RSRP1: variants seen among roughly 807,000 people sequenced by gnomAD.
The protein encoded by RSRP1 is arginine and serine rich protein 1.
RSRP1 carries 37 observed loss-of-function variants against 33.0 expected under a neutral mutation model. The observed-to-expected ratio is 1.12, with a 90% CI of 0.86 to 1.48. The LOEUF is 1.48. RSRP1 is among the 40% of genes most tolerant of loss of function. The probability of loss-of-function intolerance (pLI) is 0.00; values close to 1 mark genes in which losing one functional copy is unlikely to be tolerated. For synonymous variants in RSRP1, 167 were observed against 158.7 expected, an observed-to-expected ratio of 1.05 and a Z score of -0.40; for missense variants, 402 against 385.3, an observed-to-expected ratio of 1.04 and a Z score of -0.36.
rs1232958185 is a variant in RSRP1, at chr1:25,281,857, C to G, written c.-66-34828G>C. Among the ~76,000 whole-genome samples the G allele has an allele frequency of 2.3e-5, 3 of 132,708 alleles. 1 individual carries two copies. Among genetic ancestry groups the G allele is most frequent in the African/African-American group, 7.7e-5 (3 of 38,854 alleles). The allele number at this position is 132,708 out of a possible 152,430, so 87.1% of individuals were successfully genotyped here. ...TGATTTGGAAATGTCAGTGTCCTCC[C>G]TTGTCCTCTCTGGCAGACCCTGGGT... On this transcript the variant is annotated intron_variant, in intron 1 of 1. Coordinates refer to the RSRP1 transcript ENST00000561867.
At chr1:25,264,124 A>C (rs1640247170) in intron 1 of RSRP1, among the ~76,000 whole-genome samples, 1 of 151,816 alleles carries the variant, frequency 6.6e-6, no homozygotes, top group Non-Finnish European at 1.5e-5. Flanking sequence ...GAGTGTCTGC[A>C]GCTTTTCCAG....
chr1:25,254,838 C>A (rs185139291), intron 1 of RSRP1, among the ~76,000 whole-genome samples: 2 of 152,278 alleles, frequency 1.3e-5, no homozygotes, highest in Admixed American at 6.5e-5. Context: ...CAATATTATT[C>A]TTGATAAGTC....
rs601177 is a variant in RSRP1, at chr1:25,297,052, T to C, written c.-67+40926A>G. 6.9e-5 allele frequency among the ~76,000 whole-genome samples: 9 copies of C among 131,070 alleles called. No individual in the cohort carries two copies. In the East Asian group the frequency reaches 1.6e-3, roughly 23 times the overall value. The allele number at this position is 131,070 out of a possible 152,430, so 86.0% of individuals were successfully genotyped here. ...TTTCACCAATTTTCTCAATAATATC[T>C]TTTCTAGAAAAAAATATATATTTTT... On this transcript the variant is annotated intron_variant, in intron 1 of 1. Coordinates refer to the RSRP1 transcript ENST00000561867.
intron 1 of RSRP1, among the ~76,000 whole-genome samples, chr1:25,254,332 G>T (rs1639882512): frequency 2.6e-5 from 4 of 152,168 alleles, no homozygotes; most frequent in Admixed American, 2.6e-4. Context: ...TCTGTTCCCT[G>T]CCATGAATAC....
chr1:25,299,508 A>AC lies in RSRP1; in HGVS notation c.-67+38469dup, dbSNP rs1045576956. On this transcript the variant is annotated intron_variant, in intron 1 of 1. Coordinates refer to the RSRP1 transcript ENST00000561867. ...GCACCCAGGGTGGACTACTCCCTCCACCCTGCCCTTGTTACACCCTGGCTG... is the reference window on the plus strand; with the variant it reads ...GCACCCAGGGTGGACTACTCCCTCCACCCCTGCCCTTGTTACACCCTGGCTG... Among the ~76,000 whole-genome samples the AC allele has an allele frequency of 1.5e-5, 2 of 131,378 alleles. 1 individual carries two copies. The highest frequency in any genetic ancestry group is 5.2e-5 in the African/African-American group (2 of 38,140). 86.2% of individuals were successfully genotyped at this position (131,378 alleles called of 152,430 possible). A position where few individuals can be genotyped will look rare whatever the true frequency, so the allele number is the denominator to read the frequency against.
At chr1:25,262,003 T>G (rs916735297) in intron 1 of RSRP1, among the ~76,000 whole-genome samples, 1 of 152,134 alleles carries the variant, frequency 6.6e-6, no homozygotes, top group Non-Finnish European at 1.5e-5. Context: ...TGAGCCACTG[T>G]GCCTGGCCAA....
In RSRP1 at chr1:25,242,531, A is replaced by C. The variant is rs1446375382; in HGVS notation, c.*58T>G. On this transcript the variant is annotated 3_prime_UTR_variant, in exon 5 of 5. Transcript: ENST00000243189. ...TCAAAGGGATGGGATAATGCTAGAA[A>C]CACTAACTTGCAATAAAGTGCAGTT... The C allele has an allele frequency of 1.9e-6, 2 of 1,073,494 alleles. No homozygotes were observed. The highest frequency in any genetic ancestry group is 3.2e-5 in the African/African-American group (2 of 63,266). 66.5% of individuals were successfully genotyped at this position (1,073,494 alleles called of 1,614,324 possible).
chr1:25,264,550 C>T lies in RSRP1; in HGVS notation c.-66-17521G>A, dbSNP rs192927951. ...TAGGCTGCACACAGCATGAGGACCC[C>T]GGGCCTGGCCAACAAAACCATTTTT... On this transcript the variant is annotated intron_variant, in intron 1 of 1. Transcript: ENST00000561867. 3.4e-3 allele frequency among the ~76,000 whole-genome samples: 510 copies of T among 150,934 alleles called. 6 individuals carry two copies. In the Middle Eastern group the frequency reaches 0.045, roughly 13 times the overall value.
Position 25,302,696 on chromosome 1 carries a change from C to T in RSRP1, c.-67+35282G>A, listed in dbSNP as rs181973482. Among the ~76,000 whole-genome samples, 3 of 130,014 alleles carry T rather than the reference C, an allele frequency of 2.3e-5. 1 individual carries two copies. The highest frequency in any genetic ancestry group is 5.4e-5 in the Non-Finnish European group (3 of 55,122). The allele number at this position is 130,014 out of a possible 152,430, so 85.3% of individuals were successfully genotyped here. ...CCAGTCACACAGGGTGGCACAGGCA[C>T]CAAGTAGCCAATAATAATAATAAAA... On this transcript the variant is annotated intron_variant, in intron 1 of 1. Coordinates refer to the RSRP1 transcript ENST00000561867.
Position 25,312,920 on chromosome 1 carries a change from TAAAAAAAAAAAAAAAAAAAA to T in RSRP1, c.-67+25038_-67+25057del, listed in dbSNP as rs58027687. 1.0e-3 allele frequency among the ~76,000 whole-genome samples: 7 copies of T among 6,856 alleles called. 1 individual carries two copies. Among genetic ancestry groups the T allele is most frequent in the East Asian group, 8.8e-3 (2 of 228 alleles). The allele number at this position is 6,856 out of a possible 152,430, so 4.5% of individuals were successfully genotyped here. On this transcript the variant is annotated intron_variant, in intron 1 of 1. Transcript: ENST00000561867. ...GGATGATAGAGCAAAATCCCATCTC[TAAAAAAAAAAAAAAAAAAAA>T]AAAAAAAAAAAAAAACTTTAGTGCT... is the stretch of plus-strand genomic sequence containing the variant.
intron 1 of RSRP1, chr1:25,330,391 G>A (rs752877879): frequency 7.5e-6 from 1 of 132,536 alleles, no homozygotes; most frequent in East Asian, 1.9e-4. Flanking sequence ...GCAGACCAAG[G>A]TTCTTTTTGT....
chr1:25,243,252 C>CT (rs1272642234), intron 4 of RSRP1, among the ~76,000 whole-genome samples: 2 of 152,100 alleles, frequency 1.3e-5, no homozygotes, highest in Non-Finnish European at 2.9e-5. Flanking sequence ...TTTTGAAACT[C>CT]TTATTTTAAA....
chr1:25,296,363 C>T (rs1230138725), intron 1 of RSRP1, among the ~76,000 whole-genome samples: 2 of 123,864 alleles, frequency 1.6e-5, no homozygotes, highest in African/African-American at 5.5e-5. Context: ...TCTTGTGCCT[C>T]ACCCTCCCGA....
In RSRP1 at chr1:25,279,224, G is replaced by A. The variant is rs867971460; in HGVS notation, c.-66-32195C>T. Among the ~76,000 whole-genome samples the A allele has an allele frequency of 4.8e-4, 61 of 126,608 alleles. 17 individuals are homozygous for A. The highest frequency in any genetic ancestry group is 4.2e-3 in the Middle Eastern group (1 of 238). The allele number at this position is 126,608 out of a possible 152,430, so 83.1% of individuals were successfully genotyped here. ...AAAGTCACACCGCTAATCAGCGGCC[G>A]GCACGGGGTAACAGTTACTAACACT... is the stretch of plus-strand genomic sequence containing the variant. On this transcript the variant is annotated intron_variant, in intron 1 of 1. Coordinates refer to the RSRP1 transcript ENST00000561867.
chr1:25,332,126 TA>T (rs1645025813), intron 1 of RSRP1, among the ~76,000 whole-genome samples: 1 of 124,268 alleles, frequency 8.0e-6, no homozygotes, highest in Non-Finnish European at 1.9e-5. Context: ...CTGCAACCTC[TA>T]CCATGTTCAA....
chr1:25,246,899 G>A lies in RSRP1; in HGVS notation c.65C>T (p.Ser22Leu), dbSNP rs750829736. 4.4e-6 allele frequency: 7 copies of A among 1,604,604 alleles called. No individual in the cohort carries two copies. Among genetic ancestry groups the A allele is most frequent in the African/African-American group, 1.3e-5 (1 of 74,682 alleles). The change falls in exon 2 of 5, where the codon TCG becomes TTG. Residue 22 changes from serine to leucine, a missense_variant. Coordinates refer to ENST00000243189, the MANE Select transcript of RSRP1 (RefSeq NM_020317.5). ...SPQEKDSPST[S>L]RSGGSSRLSS... ...CAGCCGGCTGGACCCGCCCGACCGC[G>A]AGGTCGAGGGCGAATCCTTCTCCTG... is the stretch of plus-strand genomic sequence containing the variant.
chr1:25,270,967 A>C lies in RSRP1; in HGVS notation c.-66-23938T>G, dbSNP rs1470527159. ...AACATATTATTTTATAAGAGTGGGA[A>C]TATATTGTACATGCTGTTATATAAC... On this transcript the variant is annotated intron_variant, in intron 1 of 1. Transcript: ENST00000561867. Among the ~76,000 whole-genome samples, 2 of 129,976 alleles carry C rather than the reference A, an allele frequency of 1.5e-5. 1 individual carries two copies. Among genetic ancestry groups the C allele is most frequent in the Non-Finnish European group, 3.6e-5 (2 of 54,994 alleles). 85.3% of individuals were successfully genotyped at this position (129,976 alleles called of 152,430 possible).
chr1:25,270,976 A>G lies in RSRP1; in HGVS notation c.-66-23947T>C, dbSNP rs1471817501. Among the ~76,000 whole-genome samples the G allele has an allele frequency of 6.9e-5, 9 of 130,122 alleles. 2 individuals carry two copies. The highest frequency in any genetic ancestry group is 2.4e-4 in the African/African-American group (9 of 38,292). The allele number at this position is 130,122 out of a possible 152,430, so 85.4% of individuals were successfully genotyped here. A position where few individuals can be genotyped will look rare whatever the true frequency, so the allele number is the denominator to read the frequency against. Reference sequence around the variant, plus strand: ...TTTTATAAGAGTGGGAATATATTGTACATGCTGTTATATAACTTGCTTTTT... The same window carrying G: ...TTTTATAAGAGTGGGAATATATTGTGCATGCTGTTATATAACTTGCTTTTT... On this transcript the variant is annotated intron_variant, in intron 1 of 1. Coordinates refer to the RSRP1 transcript ENST00000561867.
Position 25,302,844 on chromosome 1 carries a change from CA to C in RSRP1, c.-67+35133del, listed in dbSNP as rs1003561665. Among the ~76,000 whole-genome samples the C allele has an allele frequency of 1.9e-4, 25 of 131,308 alleles. 8 individuals carry two copies. In the South Asian group the frequency reaches 2.8e-3, roughly 15 times the overall value. 86.1% of individuals were successfully genotyped at this position (131,308 alleles called of 152,430 possible). ...AATAACCTTATGAAGAAGGTACATC[CA>C]AAACCCCATTCTTCTAGGCCAGGTG... On this transcript the variant is annotated intron_variant, in intron 1 of 1. Transcript: ENST00000561867.
Sources: allele counts gnomAD v4.1 joint callset (sites outside exome capture counted in the v4.1 genomes callset), GRCh38; gene constraint gnomAD v4.1.1; transcripts MANE v1.5; gene names NCBI Gene and HGNC (gene_info 2026-07-23, HGNC 2026-07-21).